Variants in LRMDA observed in about 807,000 individuals in gnomAD.
LRMDA encodes the protein leucine-rich melanocyte differentiation-associated protein.
A neutral mutation model predicts 29.8 loss-of-function variants in LRMDA; 18 were observed. The ratio of observed to expected loss-of-function variants is 0.60; its 90% CI spans 0.42 to 0.90. LRMDA has a LOEUF of 0.90. LRMDA is among the 40% of genes least tolerant of loss of function. LRMDA has a pLI of 0.00. For missense variants in LRMDA, 273 were observed against 273.9 expected (o/e 1.00, Z 0.02); for synonymous variants, 125 against 109.4 (o/e 1.14, Z -0.89).
intron 6 of LRMDA, among the ~76,000 whole-genome samples, chr10:76,463,825 G>T (rs1297886679): frequency 6.6e-6 from 1 of 151,874 alleles, no homozygotes; most frequent in African/African-American, 2.4e-5. Flanking sequence ...GGATGTGAAC[G>T]CTGCAAGAGC....
At chr10:75,948,634 C>T (rs7904669) in intron 2 of LRMDA, among the ~76,000 whole-genome samples, 2,693 of 152,178 alleles carry the variant, frequency 0.018, 64 homozygotes, top group East Asian at 0.064. Context: ...TAATAATTCT[C>T]ATATTTAGGA....
chr10:75,882,218 C>A (rs746608349), intron 2 of LRMDA, among the ~76,000 whole-genome samples: 1 of 152,076 alleles, frequency 6.6e-6, no homozygotes, highest in Non-Finnish European at 1.5e-5. Context: ...TAATGGAAGG[C>A]CTCACAGGTG....
chr10:76,543,157 G>T (rs756285577), intron 6 of LRMDA, among the ~76,000 whole-genome samples: 4 of 152,184 alleles, frequency 2.6e-5, no homozygotes, highest in Non-Finnish European at 5.9e-5. Flanking sequence ...GAGACCTGGT[G>T]TAGGATGAAA....
intron 2 of LRMDA, among the ~76,000 whole-genome samples, chr10:75,487,553 G>A (rs949136153): frequency 3.3e-5 from 5 of 152,318 alleles, no homozygotes; most frequent in African/African-American, 1.2e-4. Context: ...AGGTGTGGGA[G>A]GTTTTTAAGT....
chr10:75,778,572 G>T lies in LRMDA; in HGVS notation c.132-257436G>T, dbSNP rs79102395. Reference sequence around the variant, plus strand: ...CAATGAGGATGGGGGAGGCACCTGTGGTCAGCTTGGCATGGTGCTGCCTGC... The same window carrying T: ...CAATGAGGATGGGGGAGGCACCTGTTGTCAGCTTGGCATGGTGCTGCCTGC... On this transcript the variant is annotated intron_variant, in intron 2 of 6. Transcript: ENST00000611255. Among the ~76,000 whole-genome samples, 1,506 of 152,228 alleles carry T rather than the reference G, an allele frequency of 9.9e-3. 22 individuals are homozygous for T. The highest frequency in any genetic ancestry group is 0.034 in the African/African-American group (1,414 of 41,534).
At chr10:75,699,200 CAA>C (rs140938454) in intron 2 of LRMDA, among the ~76,000 whole-genome samples, 28 of 107,406 alleles carry the variant, frequency 2.6e-4, no homozygotes, top group Non-Finnish European at 2.2e-4. Context: ...GACTTGGTCT[CAA>C]AAAAAAAAAA....
intron 5 of LRMDA, among the ~76,000 whole-genome samples, chr10:76,202,453 A>C (rs1851450628): frequency 6.6e-6 from 1 of 152,144 alleles, no homozygotes; most frequent in African/African-American, 2.4e-5. Context: ...AATGGTGTGC[A>C]TGTAACTTCT....
intron 2 of LRMDA, among the ~76,000 whole-genome samples, chr10:75,902,503 G>GATATCTGAAT: frequency 1.7e-5 from 1 of 57,892 alleles, no homozygotes; most frequent in Non-Finnish European, 2.7e-5. Context: ...TTTGCTTTGG[G>GATATCTGAAT]GTATCTAGAG....
chr10:76,114,421 C>T (rs1030148372), intron 5 of LRMDA, among the ~76,000 whole-genome samples: 1 of 152,136 alleles, frequency 6.6e-6, no homozygotes, highest in African/African-American at 2.4e-5. Flanking sequence ...CATAGAACTA[C>T]CCCACCTTCC....
intron 2 of LRMDA, among the ~76,000 whole-genome samples, chr10:75,475,122 A>G (rs1589154206): frequency 6.6e-6 from 1 of 152,202 alleles, no homozygotes; most frequent in East Asian, 1.9e-4. Context: ...CTGGGAGAGC[A>G]CTGGAGATGA....
At chr10:75,891,655 T>C (rs924279436) in intron 2 of LRMDA, among the ~76,000 whole-genome samples, 3 of 152,206 alleles carry the variant, frequency 2.0e-5, no homozygotes, top group Non-Finnish European at 4.4e-5. Flanking sequence ...GACTTGATTT[T>C]AGACTCCTAC....
chr10:76,011,694 G>A (rs1847784364), intron 2 of LRMDA, among the ~76,000 whole-genome samples: 1 of 152,218 alleles, frequency 6.6e-6, no homozygotes, highest in South Asian at 2.1e-4. Context: ...GGGATTCTGT[G>A]TGATTGAGAT....
intron 5 of LRMDA, among the ~76,000 whole-genome samples, chr10:76,092,607 T>C (rs1849248018): frequency 6.6e-6 from 1 of 152,250 alleles, no homozygotes; most frequent in South Asian, 2.1e-4. Context: ...AGACGCTATG[T>C]GAATTACCAT....
intron 2 of LRMDA, among the ~76,000 whole-genome samples, chr10:75,633,559 A>G (rs938199037): frequency 2.0e-5 from 3 of 152,228 alleles, no homozygotes; most frequent in African/African-American, 7.2e-5. Flanking sequence ...AGCCAGGTCC[A>G]TCTTTTTAAT....
chr10:75,626,062 A>G (rs1841245954), intron 2 of LRMDA, among the ~76,000 whole-genome samples: 1 of 150,870 alleles, frequency 6.6e-6, no homozygotes, highest in South Asian at 2.1e-4. Context: ...GGGTCTTGCT[A>G]TGTTGCCCAA....
At chr10:75,770,218 G>T (rs1313455892) in intron 2 of LRMDA, among the ~76,000 whole-genome samples, 1 of 151,336 alleles carries the variant, frequency 6.6e-6, no homozygotes, top group Non-Finnish European at 1.5e-5. Flanking sequence ...TTGTGCCTGG[G>T]AGTTTGAGGT....
intron 2 of LRMDA, among the ~76,000 whole-genome samples, chr10:75,775,998 G>T (rs1398354144): frequency 6.6e-6 from 1 of 152,144 alleles, no homozygotes; most frequent in Admixed American, 6.5e-5. Flanking sequence ...GAGGAGTTTA[G>T]TTAGCAAACC....
At chr10:75,441,354 C>T (rs977972705) in intron 2 of LRMDA, among the ~76,000 whole-genome samples, 23 of 152,184 alleles carry the variant, frequency 1.5e-4, no homozygotes, top group Non-Finnish European at 2.6e-4. Context: ...CTGTTGTCTG[C>T]TATTCTTCCT....
At chr10:76,491,984 T>C (rs976121915) in intron 6 of LRMDA, among the ~76,000 whole-genome samples, 1 of 152,138 alleles carries the variant, frequency 6.6e-6, no homozygotes, top group Non-Finnish European at 1.5e-5. Flanking sequence ...GAGACTCTGA[T>C]GCATTCTTCC....
Sources: allele counts gnomAD v4.1 joint callset (sites outside exome capture counted in the v4.1 genomes callset), GRCh38; gene constraint gnomAD v4.1.1; transcripts MANE v1.5; gene names NCBI Gene and HGNC (gene_info 2026-07-23, HGNC 2026-07-21).